ATG10: variants seen among roughly 807,000 people sequenced by gnomAD.
ATG10 encodes the protein ubiquitin-like-conjugating enzyme ATG10.
ATG10 carries 30 observed loss-of-function variants against 32.1 expected under a neutral mutation model. That is an observed-to-expected ratio of 0.94 (90% confidence interval 0.70 to 1.27). The LOEUF (loss-of-function observed/expected upper bound fraction) is 1.27, where lower values mean the gene tolerates loss of function less well. Among genes scored for constraint, ATG10 ranks in the 50% most tolerant of loss-of-function variants. The pLI is 0.00. For missense variants in ATG10, 233 were observed against 262.3 expected (o/e 0.89, Z 0.77); for synonymous variants, 87 against 91.5 (o/e 0.95, Z 0.28).
intron 3 of ATG10, among the ~76,000 whole-genome samples, chr5:82,150,584 A>T (rs1767554875): frequency 6.6e-6 from 1 of 152,210 alleles, no homozygotes; most frequent in Non-Finnish European, 1.5e-5. Flanking sequence ...AGGGTCCAGC[A>T]TTTGGAAGTC....
At chr5:82,141,149 G>A (rs1259533463) in intron 3 of ATG10, among the ~76,000 whole-genome samples, 5 of 142,880 alleles carry the variant, frequency 3.5e-5, no homozygotes, top group African/African-American at 1.3e-4. Context: ...TTTATCTGCT[G>A]ACCTTCCCTC....
intron 3 of ATG10, among the ~76,000 whole-genome samples, chr5:82,143,252 G>C (rs1317702802): frequency 6.6e-6 from 1 of 152,252 alleles, no homozygotes; most frequent in Non-Finnish European, 1.5e-5. Flanking sequence ...TTCCTTGTGA[G>C]TAAGTGAGAC....
intron 5 of ATG10, among the ~76,000 whole-genome samples, chr5:82,246,503 T>C (rs542136098): frequency 1.3e-3 from 198 of 147,522 alleles, no homozygotes; most frequent in African/African-American, 4.4e-3. Context: ...TCTGGCAACA[T>C]AGTGAGACTT....
intron 3 of ATG10, among the ~76,000 whole-genome samples, chr5:82,081,020 T>A (rs1764459150): frequency 1.3e-5 from 2 of 152,258 alleles, no homozygotes; most frequent in African/African-American, 4.8e-5. Flanking sequence ...CACTTGTTTG[T>A]GTCCTCTCTT....
intron 1 of ATG10, among the ~76,000 whole-genome samples, chr5:81,981,337 A>G (rs1034473643): frequency 1.3e-5 from 2 of 152,264 alleles, no homozygotes. Flanking sequence ...GCCAAGGCCT[A>G]GGATTCCACA....
intron 3 of ATG10, among the ~76,000 whole-genome samples, chr5:82,096,439 T>G (rs1765067599): frequency 6.6e-6 from 1 of 152,188 alleles, no homozygotes; most frequent in Non-Finnish European, 1.5e-5. Context: ...TGTTTCAGCC[T>G]CACAATCTTT....
intron 5 of ATG10, among the ~76,000 whole-genome samples, chr5:82,183,763 G>A (rs926879787): frequency 6.6e-6 from 1 of 152,142 alleles, no homozygotes; most frequent in Admixed American, 6.6e-5. Context: ...ATAAATGCTT[G>A]ATTCTTTCCC....
chr5:82,125,790 A>G lies in ATG10; in HGVS notation c.217-38609A>G, dbSNP rs181957272. Among the ~76,000 whole-genome samples the G allele has an allele frequency of 2.5e-3, 388 of 152,190 alleles. 2 individuals carry two copies. Among genetic ancestry groups the G allele is most frequent in the African/African-American group, 8.7e-3 (360 of 41,530 alleles). ...TTTGCTTCCATATGAAATTTAAAGT[A>G]GTTTTTTCTAAGTCTGTGAAGAAAG... On this transcript the variant is annotated intron_variant, in intron 3 of 7. Transcript: ENST00000282185.
intron 5 of ATG10, among the ~76,000 whole-genome samples, chr5:82,252,319 A>G (rs1428514951): frequency 1.3e-5 from 2 of 152,202 alleles, no homozygotes; most frequent in African/African-American, 2.4e-5. Flanking sequence ...ATATTGTGTA[A>G]ACAAAAATGG....
chr5:82,087,435 C>T (rs1364739176), intron 3 of ATG10, among the ~76,000 whole-genome samples: 1 of 152,126 alleles, frequency 6.6e-6, no homozygotes, highest in African/African-American at 2.4e-5. Context: ...AACAGATCCA[C>T]ATAAGCTATG....
At chr5:81,985,523 C>G (rs1007801105) in intron 1 of ATG10, among the ~76,000 whole-genome samples, 4 of 150,910 alleles carry the variant, frequency 2.7e-5, no homozygotes, top group African/African-American at 9.7e-5. Flanking sequence ...AATTCAAACT[C>G]AATATGGCCA....
chr5:82,198,908 A>G (rs1374792930), intron 5 of ATG10, among the ~76,000 whole-genome samples: 1 of 152,224 alleles, frequency 6.6e-6, no homozygotes, highest in East Asian at 1.9e-4. Context: ...GATATACAGT[A>G]AACATTTCCA....
At chr5:82,155,518 G>A (rs1287418730) in intron 3 of ATG10, among the ~76,000 whole-genome samples, 1 of 152,180 alleles carries the variant, frequency 6.6e-6, no homozygotes, top group Non-Finnish European at 1.5e-5. Context: ...GCCAGTGGCT[G>A]CTTTCAGGCT....
intron 2 of ATG10, among the ~76,000 whole-genome samples, chr5:82,008,177 T>A (rs1462510661): frequency 6.6e-6 from 1 of 152,200 alleles, no homozygotes; most frequent in African/African-American, 2.4e-5. Flanking sequence ...AGTGTAATAC[T>A]GTATTTGTTT....
chr5:82,064,195 A>AT (rs1453185606), intron 3 of ATG10, among the ~76,000 whole-genome samples: 2 of 152,202 alleles, frequency 1.3e-5, no homozygotes, highest in African/African-American at 4.8e-5. Context: ...ATTATTTTTC[A>AT]TTTCAACCAT....
chr5:82,051,042 G>C (rs952610931), intron 2 of ATG10, among the ~76,000 whole-genome samples: 9 of 151,848 alleles, frequency 5.9e-5, no homozygotes, highest in Non-Finnish European at 1.2e-4. Flanking sequence ...CTCTCTTTTA[G>C]TTTCATACCA....
chr5:81,982,757 T>C (rs1486766669), intron 1 of ATG10, among the ~76,000 whole-genome samples: 2 of 152,168 alleles, frequency 1.3e-5, no homozygotes, highest in African/African-American at 2.4e-5. Flanking sequence ...TAGGGAGTGG[T>C]GATGACTCTT....
At chr5:82,107,573 T>C (rs1228869115) in intron 3 of ATG10, among the ~76,000 whole-genome samples, 2 of 152,108 alleles carry the variant, frequency 1.3e-5, no homozygotes, top group African/African-American at 4.8e-5. Flanking sequence ...ATGTCTACAA[T>C]GAATAATTTG....
At chr5:82,113,737 TTTGA>T (rs1389419184) in intron 3 of ATG10, among the ~76,000 whole-genome samples, 2 of 151,902 alleles carry the variant, frequency 1.3e-5, no homozygotes, top group African/African-American at 2.4e-5. Context: ...CTTGTATTTG[TTTGA>T]TTATCAGTGA....
Sources: allele counts gnomAD v4.1 joint callset (sites outside exome capture counted in the v4.1 genomes callset), GRCh38; gene constraint gnomAD v4.1.1; transcripts MANE v1.5; gene names NCBI Gene and HGNC (gene_info 2026-07-23, HGNC 2026-07-21).